Variants in SAAL1 observed in about 807,000 individuals in gnomAD.
The protein encoded by SAAL1 is protein SAAL1.
A neutral mutation model predicts 59.8 loss-of-function variants in SAAL1; 42 were observed. That is an observed-to-expected ratio of 0.70 (90% CI 0.55 to 0.91). SAAL1 has a LOEUF of 0.91. Ranked by LOEUF, SAAL1 falls within the 40% of genes least tolerant of loss-of-function variation. The pLI is 0.00. For missense variants in SAAL1, 542 were observed against 561.1 expected (o/e 0.97, Z 0.34); for synonymous variants, 191 against 194.3 (o/e 0.98, Z 0.14).
chr11:18,092,291 A>G lies in SAAL1; in HGVS notation c.367T>C (p.Cys123Arg), dbSNP rs771834868. 4 of 1,608,020 alleles carry G rather than the reference A, an allele frequency of 2.5e-6. No individual in the cohort carries two copies. The South Asian group carries it at 4.4e-5, about 18-fold the overall frequency. ...ICVGILGNMACFQEICVSISS... is the reference protein window; with the variant it reads ...ICVGILGNMARFQEICVSISS... ...ATGGACACACATATCTCCTGGAAAC[A>G]GGCCATATTACCTAAAATTCCCACA... Residue 123 changes from cysteine to arginine, a missense_variant, in exon 4 of 12, where the codon TGT becomes CGT. Physicochemically the swap from Cys to Arg is radical, Grantham distance 180 (BLOSUM62 -3). Coordinates refer to ENST00000524803, the MANE Select transcript of SAAL1 (RefSeq NM_138421.3).
In SAAL1 at chr11:18,087,008, G is replaced by T. The variant is rs759578623; in HGVS notation, c.900C>A (p.Asp300Glu). 3.7e-6 allele frequency: 6 copies of T among 1,613,842 alleles called. No homozygotes were observed. In the East Asian group the frequency reaches 1.3e-4, roughly 36 times the overall value. ...ACTGGCAGAATTCATGGCAGACCAG[G>T]TCAAAAAGTAAATTCCAAATGTCTT... ...TGKDIWNLLF[D>E]LVCHEFCQSD... Residue 300 changes from aspartate to glutamate, a missense_variant, in exon 9 of 12, where the codon GAC becomes GAA. Coordinates refer to ENST00000524803, the MANE Select transcript of SAAL1 (RefSeq NM_138421.3).
intron 7 of SAAL1, among the ~76,000 whole-genome samples, chr11:18,089,013 C>T (rs907154797): frequency 3.3e-5 from 5 of 152,118 alleles, no homozygotes; most frequent in Middle Eastern, 3.4e-3. Context: ...TGATGTGCAA[C>T]GTTAATGAAG....
intron 2 of SAAL1, among the ~76,000 whole-genome samples, chr11:18,102,045 C>T (rs7119063): frequency 0.41 from 62,986 of 151,884 alleles, 13,700 homozygotes; most frequent in African/African-American, 0.52. Flanking sequence ...AAGAAACTTT[C>T]AGGGGTGATG....
At chr11:18,085,782 A>T (rs544303239) in intron 9 of SAAL1, among the ~76,000 whole-genome samples, 4 of 152,238 alleles carry the variant, frequency 2.6e-5, no homozygotes, top group African/African-American at 7.2e-5. Context: ...TGAAATTTCA[A>T]ATCAGTGTGG....
chr11:18,092,743 C>T (rs1478562843), intron 3 of SAAL1, among the ~76,000 whole-genome samples: 2 of 152,124 alleles, frequency 1.3e-5, no homozygotes, highest in South Asian at 2.1e-4. Flanking sequence ...GAGGTAAATA[C>T]TGCAGGTATA....
rs529457267 is a variant in SAAL1 at position 18,100,581 on chromosome 11, G to A, written c.249+2652C>T. Among the ~76,000 whole-genome samples the A allele has an allele frequency of 1.7e-4, 26 of 152,198 alleles. No individual in the cohort carries two copies. The South Asian group carries it at 5.2e-3, about 30-fold the overall frequency. On this transcript the variant is annotated intron_variant, in intron 2 of 11. Transcript: ENST00000524803. ...CCCATCTCTACAAAAAATACAGAGC[G>A]AGACTCTGTCTCAAAAAAAATTGTA...
intron 10 of SAAL1, chr11:18,083,066 AG>A (rs1441370002): frequency 6.6e-6 from 1 of 152,392 alleles, no homozygotes; most frequent in African/African-American, 2.4e-5. Flanking sequence ...ATATATGGAT[AG>A]AAAAAACATG....
rs574497043 is a variant in SAAL1, at chr11:18,081,118, T to C, written c.1332+293A>G. ...GGCAGTGAGCTTAGTACCCAATAGG[T>C]AGTTTTTCAGCCCTTGCCCTCCCTC... On this transcript the variant is annotated intron_variant, in intron 11 of 11. Transcript: ENST00000524803. 3.3e-5 allele frequency among the ~76,000 whole-genome samples: 5 copies of C among 152,170 alleles called. No individual in the cohort carries two copies. The East Asian group carries it at 7.7e-4, about 24-fold the overall frequency.
chr11:18,091,670 C>T (rs1848524853), intron 4 of SAAL1, among the ~76,000 whole-genome samples: 1 of 152,216 alleles, frequency 6.6e-6, no homozygotes, highest in Non-Finnish European at 1.5e-5. Flanking sequence ...CAAAATTCAG[C>T]ATATAATTTC....
chr11:18,103,385 G>A (rs947420954), intron 1 of SAAL1, 39 bp from the exon 2 acceptor site: 2 of 1,437,610 alleles, frequency 1.4e-6, no homozygotes, highest in African/African-American at 2.8e-5. Flanking sequence ...AATAAAAGTT[G>A]TCTACAATAC....
At chr11:18,087,872 TG>T (rs1222249732) in intron 7 of SAAL1, among the ~76,000 whole-genome samples, 1 of 152,236 alleles carries the variant, frequency 6.6e-6, no homozygotes, top group Non-Finnish European at 1.5e-5. Context: ...ATGTATAAGA[TG>T]TTATCCCTAC....
rs189677688 is a variant in SAAL1, at chr11:18,086,062, A to G, written c.1042+804T>C. 3.3e-5 allele frequency among the ~76,000 whole-genome samples: 5 copies of G among 152,378 alleles called. No homozygotes were observed. The East Asian group carries it at 7.7e-4, about 23-fold the overall frequency. ...AAAAAGCAGAATTAAATATATGTGC[A>G]TGTGTGGGATGGTAAGATTACAAAC... On this transcript the variant is annotated intron_variant, in intron 9 of 11. Coordinates refer to ENST00000524803, the MANE Select transcript of SAAL1 (RefSeq NM_138421.3).
In SAAL1 at chr11:18,103,278, T is replaced by C; in HGVS notation, c.204A>G (p.Glu68=). 6.2e-7 allele frequency: 1 copy of C among 1,614,080 alleles called. No individual in the cohort carries two copies. Among genetic ancestry groups the C allele is most frequent in the Non-Finnish European group, 8.5e-7 (1 of 1,179,992 alleles). Residue 68 remains glutamate, a synonymous_variant, in exon 2 of 12, where the codon GAA becomes GAG. Transcript: ENST00000524803. The part of the protein sequence containing the change: ...DEEQLTELDE[E]MENEICRVWD... Reference sequence around the variant, plus strand: ...ATACTCTGCAAATTTCATTCTCCATTTCTTCATCAAGCTCCGTCAGCTGCT... The same window carrying C: ...ATACTCTGCAAATTTCATTCTCCATCTCTTCATCAAGCTCCGTCAGCTGCT...
Position 18,089,463 on chromosome 11 carries a change from A to T in SAAL1, c.637T>A (p.Leu213Met). ...CATTCTAACATTAGTTTCTCATCCA[A>T]ATCAAAGAGCTTGTCCACAACCTCC... is the stretch of plus-strand genomic sequence containing the variant. ...VGEVVDKLFD[L>M]DEKLMLEWVR... Residue 213 changes from leucine to methionine, a missense_variant, in exon 7 of 12, where the codon TTG (leucine) becomes ATG (methionine). Transcript: ENST00000524803. 1.2e-6 allele frequency: 2 copies of T among 1,612,538 alleles called. No individual in the cohort carries two copies. Among genetic ancestry groups the T allele is most frequent in the Non-Finnish European group, 1.7e-6 (2 of 1,179,460 alleles).
rs748714637 is a variant in SAAL1, at chr11:18,090,483, A to G, written c.424T>C (p.Leu142=). 26 of 1,606,798 alleles carry G rather than the reference A, an allele frequency of 1.6e-5. No individual in the cohort carries two copies. Among genetic ancestry groups the G allele is most frequent in the Admixed American group, 6.9e-5 (4 of 57,850 alleles). Reference sequence around the variant, plus strand: ...GGGTCTGAATCATACAAACAGTGCAATAACACCTGCCTACAAAAACAAAGA... The same window carrying G: ...GGGTCTGAATCATACAAACAGTGCAGTAACACCTGCCTACAAAAACAAAGA... ...SSDKNLGQVL[L]HCLYDSDPPT... Residue 142 remains leucine (L), a synonymous_variant, in exon 5 of 12, where the codon TTG becomes CTG. Transcript: ENST00000524803.
At position 18,087,164 on chromosome 11, in the gene SAAL1, C is replaced by T; in HGVS notation, c.832G>A (p.Asp278Asn). The change falls in exon 8 of 12, where the codon GAT (aspartate) becomes AAT (asparagine). Residue 278 changes from aspartate to asparagine, a missense_variant. Transcript: ENST00000524803. ...MHILQLLTTV[D>N]DGIQAIVHCP... ...TTACCAATTGCTTGAATTCCATCAT[C>T]CACTGTAGTAAGCAGTTGTAAAATG... 1.7e-5 allele frequency: 27 copies of T among 1,613,090 alleles called. No individual in the cohort carries two copies. The highest frequency in any genetic ancestry group is 2.2e-5 in the Non-Finnish European group (26 of 1,179,054).
intron 1 of SAAL1, among the ~76,000 whole-genome samples, chr11:18,105,329 C>T (rs941621956): frequency 2.7e-5 from 4 of 146,270 alleles, no homozygotes; most frequent in East Asian, 3.9e-4. Flanking sequence ...CCGTCACGAC[C>T]GGCTTTTTTT....
chr11:18,081,395 A>T lies in SAAL1; in HGVS notation c.1332+16T>A, dbSNP rs751948643. ...CTACAAAACTTGGCCACCTATATAC[A>T]TTTACCCATACTCACCACAGGGCTA... On this transcript the variant is annotated intron_variant, in intron 11 of 11. Coordinates refer to ENST00000524803, the MANE Select transcript of SAAL1 (RefSeq NM_138421.3). 1 of 1,593,368 alleles carries T rather than the reference A, an allele frequency of 6.3e-7. No individual in the cohort carries two copies. The highest frequency in any genetic ancestry group is 1.1e-5 in the South Asian group (1 of 89,742).
At chr11:18,084,278 C>T (rs553558903) in intron 9 of SAAL1, among the ~76,000 whole-genome samples, 1 of 152,332 alleles carries the variant, frequency 6.6e-6, no homozygotes, top group East Asian at 1.9e-4. Flanking sequence ...TATGAAGAAT[C>T]TCTAAAAGCC....
Sources: gnomAD v4.1 joint callset for allele counts (sites outside exome capture counted in the v4.1 genomes callset) on GRCh38, gnomAD v4.1.1 for gene constraint, MANE v1.5 for transcripts, NCBI Gene and HGNC (gene_info 2026-07-23, HGNC 2026-07-21) for gene names.